Variants in PCBP2 observed in about 807,000 individuals in gnomAD.
PCBP2 encodes poly(rC)-binding protein 2.
In PCBP2, 4 loss-of-function variants were observed where a neutral mutation model predicts 50.1. The ratio of observed to expected loss-of-function variants is 0.08; its 90% CI spans 0.04 to 0.18. The LOEUF (loss-of-function observed/expected upper bound fraction) is 0.18. Ranked by LOEUF, PCBP2 falls within the 10% of genes least tolerant of loss-of-function variation. PCBP2 has a pLI of 1.00. For missense variants in PCBP2, 161 were observed against 474.3 expected (o/e 0.34, Z 6.14); for synonymous variants, 179 against 168.0 (o/e 1.07, Z -0.51).
chr12:53,473,088 CTTT>C (rs774571257), intron 14 of PCBP2, among the ~76,000 whole-genome samples: 4 of 143,408 alleles, frequency 2.8e-5, no homozygotes, highest in Admixed American at 7.0e-5. Flanking sequence ...GTTTTTCTTT[CTTT>C]TTTTTTTTTT....
At chr12:53,463,956 G>A (rs1941627707) in intron 8 of PCBP2, among the ~76,000 whole-genome samples, 1 of 152,182 alleles carries the variant, frequency 6.6e-6, no homozygotes, top group Non-Finnish European at 1.5e-5. Flanking sequence ...GTGTAGTTAT[G>A]AGAGGTTTCA....
intron 14 of PCBP2, among the ~76,000 whole-genome samples, chr12:53,476,832 C>A (rs1053209391): frequency 6.6e-6 from 1 of 152,110 alleles, no homozygotes; most frequent in East Asian, 1.9e-4. Flanking sequence ...TCATGTGGTC[C>A]AGCTCTCTCC....
chr12:53,469,203 A>C (rs1166354615), intron 13 of PCBP2, among the ~76,000 whole-genome samples: 1 of 152,016 alleles, frequency 6.6e-6, no homozygotes, highest in Admixed American at 6.6e-5. Flanking sequence ...CACTTGGCCT[A>C]CATGTCCTGC....
chr12:53,459,910 A>C lies in PCBP2; in HGVS notation c.375+507A>C, dbSNP rs752924462. The C allele has an allele frequency of 4.4e-5, 20 of 450,964 alleles. No individual in the cohort carries two copies. In the East Asian group the frequency reaches 1.4e-3, roughly 32 times the overall value. 27.9% of individuals were successfully genotyped at this position (450,964 alleles called of 1,614,324 possible). On this transcript the variant is annotated intron_variant, in intron 6 of 14. Transcript: ENST00000546463. ...CAAGGAGCCGGGACTGCAGGCTCCC[A>C]CCACCACACCCAAATTTTTGTATTT... is the stretch of plus-strand genomic sequence containing the variant.
chr12:53,464,991 C>A, intron 9 of PCBP2, 139 bp downstream of exon 9: 1 of 1,099,462 alleles, frequency 9.1e-7, no homozygotes, highest in Non-Finnish European at 1.2e-6. Flanking sequence ...GGACTGACCC[C>A]CCCAACCTCA....
At chr12:53,478,460 AT>A (rs1211599879) in intron 14 of PCBP2, among the ~76,000 whole-genome samples, 1 of 152,004 alleles carries the variant, frequency 6.6e-6, no homozygotes, top group African/African-American at 2.4e-5. Context: ...GTGAGTTGAG[AT>A]TGCGCCATTG....
chr12:53,454,129 C>G (rs1208784315), intron 1 of PCBP2, among the ~76,000 whole-genome samples: 2 of 152,148 alleles, frequency 1.3e-5, no homozygotes, highest in African/African-American at 4.8e-5. Flanking sequence ...GAACCCCAGC[C>G]TGCGTGGAAG....
chr12:53,465,252 C>G (rs1941738101), intron 9 of PCBP2, among the ~76,000 whole-genome samples: 2 of 152,002 alleles, frequency 1.3e-5, no homozygotes, highest in South Asian at 4.2e-4. Flanking sequence ...TTTTCCCTAC[C>G]CCATTGCCCT....
At position 53,467,788 on chromosome 12, in the gene PCBP2, C is replaced by T. The variant is rs1941921689; in HGVS notation, c.788-17C>T. ...AGGATGAGACCACCAAACTCATTTT[C>T]ACTTGTATCTTAACAGGCATTGAAT... is the stretch of plus-strand genomic sequence containing the variant. On this transcript the variant is annotated splice_polypyrimidine_tract_variant and intron_variant, in intron 11 of 14. Coordinates refer to ENST00000546463, the MANE Select transcript of PCBP2 (RefSeq NM_031989.5). The T allele has an allele frequency of 1.2e-6, 2 of 1,607,860 alleles. No individual in the cohort carries two copies. Among genetic ancestry groups the T allele is most frequent in the Non-Finnish European group, 1.7e-6 (2 of 1,174,644 alleles).
rs995716975 is a variant in PCBP2 at position 53,473,251 on chromosome 12, A to G, written c.1052+1444A>G. Among the ~76,000 whole-genome samples the G allele has an allele frequency of 2.6e-5, 4 of 151,426 alleles. No homozygotes were observed. The South Asian group carries it at 6.3e-4, about 24-fold the overall frequency. On this transcript the variant is annotated intron_variant, in intron 14 of 14. Transcript: ENST00000546463. ...AGGCACGTGCCACCACGTCCAGCTAATTTTTGTATTTTTAGTATAGACGGG... is the reference window on the plus strand; with the variant it reads ...AGGCACGTGCCACCACGTCCAGCTAGTTTTTGTATTTTTAGTATAGACGGG...
At chr12:53,472,825 T>A (rs1356414621) in intron 14 of PCBP2, among the ~76,000 whole-genome samples, 1 of 152,176 alleles carries the variant, frequency 6.6e-6, no homozygotes, top group African/African-American at 2.4e-5. Flanking sequence ...GCCTTAAGAC[T>A]TCATATCTTG....
intron 14 of PCBP2, 109 bp downstream of exon 14, chr12:53,471,916 G>T: frequency 2.5e-6 from 2 of 790,798 alleles, no homozygotes; most frequent in South Asian, 2.8e-5. Flanking sequence ...GGTAAAGATG[G>T]CCAAAAGGTT....
At position 53,471,779 on chromosome 12, in the gene PCBP2, A is replaced by T; in HGVS notation, c.1024A>T (p.Ser342Cys). The T allele has an allele frequency of 6.2e-7, 1 of 1,613,008 alleles. No homozygotes were observed. The highest frequency in any genetic ancestry group is 8.5e-7 in the Non-Finnish European group (1 of 1,179,882). Residue 342 changes from serine (S) to cysteine (C), a missense_variant, in exon 14 of 15, where the codon AGC becomes TGC. Transcript: ENST00000546463. Reference protein sequence around the residue: ...VTITGSAASISLAQYLINVRL... With the variant: ...VTITGSAASICLAQYLINVRL... ...CATCACTGGATCTGCTGCCAGCATT[A>T]GCCTGGCTCAATATCTAATCAATGT...
intron 14 of PCBP2, among the ~76,000 whole-genome samples, chr12:53,478,007 C>T (rs1942750051): frequency 6.6e-6 from 1 of 152,220 alleles, no homozygotes. Flanking sequence ...ACCAGTGAAG[C>T]ATACTGAGTA....
chr12:53,462,472 T>C (rs747686138), intron 7 of PCBP2, 21 bp from the exon 8 acceptor site: 2 of 1,597,302 alleles, frequency 1.3e-6, no homozygotes, highest in Admixed American at 3.4e-5. Context: ...TTTGTTTTTT[T>C]CCCCTCTGAC....
At chr12:53,453,816 C>G (rs1229916454) in intron 1 of PCBP2, among the ~76,000 whole-genome samples, 2 of 152,074 alleles carry the variant, frequency 1.3e-5, no homozygotes, top group Non-Finnish European at 2.9e-5. Flanking sequence ...TACTCTAAAG[C>G]AGAAATGTTA....
intron 12 of PCBP2, chr12:53,468,567 T>C (rs986889815): frequency 3.6e-6 from 2 of 560,074 alleles, no homozygotes; most frequent in Non-Finnish European, 3.2e-6. Context: ...TGAAATCAGC[T>C]CTTCTGAGTG....
At chr12:53,469,495 T>C (rs1352864429) in intron 13 of PCBP2, among the ~76,000 whole-genome samples, 1 of 151,372 alleles carries the variant, frequency 6.6e-6, no homozygotes, top group Middle Eastern at 3.4e-3. Flanking sequence ...CCGAGGCGGG[T>C]GGATCACCTG....
In PCBP2 at chr12:53,469,689, C is replaced by T. The variant is rs540325783; in HGVS notation, c.882+857C>T. On this transcript the variant is annotated intron_variant, in intron 13 of 14. Transcript: ENST00000546463. ...TTGTGGTGAGCCGAGATCGCGCCAT[C>T]GCACTCCAGCCTGGGCAACAAGAGC... 1.1e-4 allele frequency among the ~76,000 whole-genome samples: 16 copies of T among 151,440 alleles called. No individual in the cohort carries two copies. The South Asian group carries it at 2.5e-3, about 24-fold the overall frequency.
Sources: gnomAD v4.1 joint callset for allele counts (sites outside exome capture counted in the v4.1 genomes callset) on GRCh38, gnomAD v4.1.1 for gene constraint, MANE v1.5 for transcripts, NCBI Gene and HGNC (gene_info 2026-07-23, HGNC 2026-07-21) for gene names.